The following SPSB1 variants were observed in gnomAD, a reference collection of about 807,000 sequenced individuals.
SPSB1 encodes the protein SPRY domain-containing SOCS box protein 1.
A neutral mutation model predicts 21.2 loss-of-function variants in SPSB1; 8 were observed. The ratio of observed to expected loss-of-function variants is 0.38; its 90% CI spans 0.22 to 0.68. The LOEUF is 0.68. Among genes scored for constraint, SPSB1 ranks in the 30% least tolerant of loss-of-function variants. The pLI is 0.53. For missense variants in SPSB1, 242 were observed against 377.8 expected (o/e 0.64, Z 2.98); for synonymous variants, 169 against 161.7 (o/e 1.05, Z -0.34).
chr1:9,336,744 G>A (rs1381210361), intron 1 of SPSB1, among the ~76,000 whole-genome samples: 1 of 152,236 alleles, frequency 6.6e-6, no homozygotes, highest in East Asian at 1.9e-4. Context: ...TAGTTGCTGT[G>A]TTCAGGGAGC....
intron 1 of SPSB1, among the ~76,000 whole-genome samples, chr1:9,323,854 T>A (rs547789698): frequency 6.6e-6 from 1 of 152,338 alleles, no homozygotes; most frequent in South Asian, 2.1e-4. Flanking sequence ...CTGTGCCATG[T>A]GGGACCTTGG....
At chr1:9,344,083 T>C (rs936795406) in intron 1 of SPSB1, among the ~76,000 whole-genome samples, 3 of 152,206 alleles carry the variant, frequency 2.0e-5, no homozygotes, top group South Asian at 2.1e-4. Flanking sequence ...CCACCGCACC[T>C]GGCCAAGATA....
At chr1:9,339,233 T>C (rs554229180) in intron 1 of SPSB1, 1 of 985,394 alleles carries the variant, frequency 1.0e-6, no homozygotes, top group South Asian at 4.7e-5. Flanking sequence ...TCCCAGGCAC[T>C]TGCCTAGAAT....
At position 9,367,694 on chromosome 1, in the gene SPSB1, C is replaced by A; in HGVS notation, c.*119C>A. ...GCATCCGTAGCCATGGACAGAGGTC[C>A]CTGGTCTTCCCTCATCCTCCGTGGC... On this transcript the variant is annotated 3_prime_UTR_variant, in exon 3 of 3. Coordinates refer to ENST00000328089, the MANE Select transcript of SPSB1 (RefSeq NM_025106.4). This position sits in a 1 kb window ranked among gnomAD's most constrained non-coding sequence, Gnocchi z 5.9. 7.1e-7 allele frequency: 1 copy of A among 1,408,870 alleles called. No homozygotes were observed. The highest frequency in any genetic ancestry group is 9.4e-7 in the Non-Finnish European group (1 of 1,067,020). The allele number at this position is 1,408,870 out of a possible 1,614,324, so 87.3% of individuals were successfully genotyped here.
chr1:9,305,365 G>A lies in SPSB1; in HGVS notation c.-150+12294G>A, dbSNP rs1639394169. On this transcript the variant is annotated intron_variant, in intron 1 of 2. Coordinates refer to ENST00000328089, the MANE Select transcript of SPSB1 (RefSeq NM_025106.4). The surrounding 1 kb of genome is among the most constrained non-coding windows in gnomAD (Gnocchi z 4.8). ...TGTCACCCAGACACATGCACCCTCA[G>A]CCATGCCAGGGACAGCTGCTGTTGT... 6.6e-6 allele frequency among the ~76,000 whole-genome samples: 1 copy of A among 152,228 alleles called. No homozygotes were observed. Among genetic ancestry groups the A allele is most frequent in the South Asian group, 2.1e-4 (1 of 4,836 alleles).
intron 1 of SPSB1, among the ~76,000 whole-genome samples, chr1:9,341,130 A>G (rs1640084327): frequency 6.6e-6 from 1 of 152,196 alleles, no homozygotes; most frequent in Admixed American, 6.5e-5. Context: ...TCAAAATGTG[A>G]TAAATGGAAT....
At position 9,345,482 on chromosome 1, in the gene SPSB1, T is replaced by C. The variant is rs1485471843; in HGVS notation, c.-149-10261T>C. 6.6e-6 allele frequency among the ~76,000 whole-genome samples: 1 copy of C among 152,206 alleles called. No individual in the cohort carries two copies. Among genetic ancestry groups the C allele is most frequent in the Non-Finnish European group, 1.5e-5 (1 of 68,034 alleles). ...CCGTGGGAGGGCATGTCTGCTGCTG[T>C]CTGGGTCACCTTTTGGGAAGGTTGC... On this transcript the variant is annotated intron_variant, in intron 1 of 2. Coordinates refer to ENST00000328089, the MANE Select transcript of SPSB1 (RefSeq NM_025106.4). The surrounding 1 kb of genome is among the most constrained non-coding windows in gnomAD (Gnocchi z 4.8).
In SPSB1 at chr1:9,348,743, G is replaced by A. The variant is rs1335852929; in HGVS notation, c.-149-7000G>A. 2.0e-5 allele frequency among the ~76,000 whole-genome samples: 3 copies of A among 152,012 alleles called. No homozygotes were observed. Among genetic ancestry groups the A allele is most frequent in the African/African-American group, 4.8e-5 (2 of 41,390 alleles). ...CTTAAATGGCTGTTCGAAGCTGGCCGAGGGAGTACGGGGCTTTCAGAAGCT... is the reference window on the plus strand; with the variant it reads ...CTTAAATGGCTGTTCGAAGCTGGCCAAGGGAGTACGGGGCTTTCAGAAGCT... On this transcript the variant is annotated intron_variant, in intron 1 of 2. Coordinates refer to ENST00000328089, the MANE Select transcript of SPSB1 (RefSeq NM_025106.4). The surrounding 1 kb of genome is among the most constrained non-coding windows in gnomAD (Gnocchi z 4.8).
intron 1 of SPSB1, among the ~76,000 whole-genome samples, chr1:9,339,573 G>A (rs1046269891): frequency 1.3e-5 from 2 of 152,218 alleles, no homozygotes; most frequent in African/African-American, 4.8e-5. Flanking sequence ...TATAACTCAT[G>A]TGGTTCTTAA....
rs1640351295 is a variant in SPSB1, at chr1:9,355,762, A to T, written c.-130A>T. 2 of 1,480,136 alleles carry T rather than the reference A, an allele frequency of 1.4e-6. No homozygotes were observed. The highest frequency in any genetic ancestry group is 1.8e-6 in the Non-Finnish European group (2 of 1,116,722). 91.7% of individuals were successfully genotyped at this position (1,480,136 alleles called of 1,614,324 possible). A position where few individuals can be genotyped will look rare whatever the true frequency, so the allele number is the denominator to read the frequency against. ...CATTAGGCAATACTGAACACTGCGC[A>T]GCTTGCAGAGGTCTCCTGGCAGCCC... On this transcript the variant is annotated 5_prime_UTR_variant, in exon 2 of 3. Coordinates refer to ENST00000328089, the MANE Select transcript of SPSB1 (RefSeq NM_025106.4).
chr1:9,335,443 A>G (rs1639989392), intron 1 of SPSB1, among the ~76,000 whole-genome samples: 1 of 151,284 alleles, frequency 6.6e-6, no homozygotes, highest in Admixed American at 6.6e-5. Flanking sequence ...TGAAGGTTGC[A>G]GTGAGCTGAG....
At position 9,331,978 on chromosome 1, in the gene SPSB1, G is replaced by A. The variant is rs75678632; in HGVS notation, c.-149-23765G>A. ...TGTAATAAAAGGACCAAAAACAAAT[G>A]TGCCAAACTGTTGACAGTTTGAGTG... is the stretch of plus-strand genomic sequence containing the variant. On this transcript the variant is annotated intron_variant, in intron 1 of 2. Transcript: ENST00000328089. Among the ~76,000 whole-genome samples, 175 of 152,312 alleles carry A rather than the reference G, an allele frequency of 1.1e-3. 1 individual carries two copies. Among genetic ancestry groups the A allele is most frequent in the African/African-American group, 4.0e-3 (165 of 41,554 alleles).
At position 9,293,099 on chromosome 1, in the gene SPSB1, C is replaced by A. The variant is rs889644816; in HGVS notation, c.-150+28C>A. The A allele has an allele frequency of 1.6e-5, 16 of 976,754 alleles. No homozygotes were observed. In the African/African-American group the frequency reaches 2.8e-4, roughly 17 times the overall value. The allele number at this position is 976,754 out of a possible 1,614,324, so 60.5% of individuals were successfully genotyped here. ...AGGCGGCGCGGGGCACCTGGGACCC[C>A]GATGGGTGGGCGACCGGCCCGGGAG... On this transcript the variant is annotated intron_variant, in intron 1 of 2. Coordinates refer to ENST00000328089, the MANE Select transcript of SPSB1 (RefSeq NM_025106.4). This position sits in a 1 kb window ranked among gnomAD's most constrained non-coding sequence, Gnocchi z 5.1.
chr1:9,298,767 A>G (rs987834058), intron 1 of SPSB1, among the ~76,000 whole-genome samples: 4 of 152,138 alleles, frequency 2.6e-5, no homozygotes, highest in Non-Finnish European at 5.9e-5. Context: ...GCTCCCGTGG[A>G]TCCCTGAACC....
chr1:9,342,132 G>A (rs1191673991), intron 1 of SPSB1, among the ~76,000 whole-genome samples: 2 of 152,244 alleles, frequency 1.3e-5, no homozygotes, highest in Admixed American at 1.3e-4. Context: ...GGGTGAGCAA[G>A]CGACTCAGAG....
At chr1:9,350,918 G>A (rs980259669) in intron 1 of SPSB1, among the ~76,000 whole-genome samples, 5 of 152,206 alleles carry the variant, frequency 3.3e-5, no homozygotes, top group Admixed American at 2.6e-4. Context: ...TGTAGTGCCC[G>A]GTGCTGGATG....
rs746842022 is a variant in SPSB1, at chr1:9,356,572, G to A, written c.681G>A (p.Leu227=). 7 of 1,591,638 alleles carry A rather than the reference G, an allele frequency of 4.4e-6. No individual in the cohort carries two copies. The highest frequency in any genetic ancestry group is 6.0e-6 in the Non-Finnish European group (7 of 1,164,690). The change falls in exon 2 of 3, where the codon TTG becomes TTA. Residue 227 remains leucine (L), a synonymous_variant. Coordinates refer to ENST00000328089, the MANE Select transcript of SPSB1 (RefSeq NM_025106.4). The surrounding 1 kb of genome is among the most constrained non-coding windows in gnomAD (Gnocchi z 7.4). ...ACTGTGAGATCCGAATGCGCTACTT[G>A]AACGGACTCGATCGTAAGTGTCTCC... ...WGHCEIRMRY[L]NGLDPEPLPL...
intron 1 of SPSB1, among the ~76,000 whole-genome samples, chr1:9,351,066 T>G (rs886884853): frequency 2.6e-5 from 4 of 152,258 alleles, no homozygotes; most frequent in Non-Finnish European, 4.4e-5. Flanking sequence ...GATGATGGTA[T>G]TAGCAGTTTT....
chr1:9,303,661 T>A (rs1639368200), intron 1 of SPSB1, among the ~76,000 whole-genome samples: 1 of 152,220 alleles, frequency 6.6e-6, no homozygotes, highest in African/African-American at 2.4e-5. Flanking sequence ...GTACCTCCTC[T>A]CTGGAGAAGG....
Sources: allele counts gnomAD v4.1 joint callset (sites outside exome capture counted in the v4.1 genomes callset), GRCh38; gene constraint gnomAD v4.1.1; non-coding constraint Gnocchi (gnomAD v3.1); transcripts MANE v1.5; gene names NCBI Gene and HGNC (gene_info 2026-07-23, HGNC 2026-07-21).